Variants in RNF220 observed in about 807,000 individuals in gnomAD.
RNF220 encodes E3 ubiquitin-protein ligase RNF220.
RNF220 carries 7 observed loss-of-function variants against 67.1 expected under a neutral mutation model. That is an observed-to-expected ratio of 0.10 (90% CI 0.06 to 0.20). RNF220 has a LOEUF of 0.20. RNF220 is among the 10% of genes least tolerant of loss of function. RNF220 has a pLI of 1.00. For missense variants in RNF220, 565 were observed against 740.3 expected (o/e 0.76, Z 2.75); for synonymous variants, 270 against 283.2 (o/e 0.95, Z 0.47).
At chr1:44,514,118 A>C (rs1659263002) in intron 2 of RNF220, among the ~76,000 whole-genome samples, 1 of 152,198 alleles carries the variant, frequency 6.6e-6, no homozygotes, top group Non-Finnish European at 1.5e-5. Context: ...TCAAGTAGCT[A>C]TATTTGTTTA....
chr1:44,436,454 G>A (rs1190025533), intron 2 of RNF220, among the ~76,000 whole-genome samples: 2 of 152,056 alleles, frequency 1.3e-5, no homozygotes, highest in African/African-American at 4.8e-5. Flanking sequence ...AGAGGAAAAG[G>A]CCCAACAGTG....
intron 2 of RNF220, among the ~76,000 whole-genome samples, chr1:44,435,954 A>G (rs2147881526): frequency 6.6e-6 from 1 of 152,126 alleles, no homozygotes; most frequent in South Asian, 2.1e-4. Context: ...AAAAAAATGG[A>G]AGAAACCTTT....
chr1:44,446,774 A>G (rs574882346), intron 2 of RNF220, among the ~76,000 whole-genome samples: 9 of 151,974 alleles, frequency 5.9e-5, no homozygotes, highest in African/African-American at 2.2e-4. Context: ...GGCCAGGCTG[A>G]TCTCAAACTC....
At chr1:44,615,430 G>A (rs1290970412) in intron 3 of RNF220, among the ~76,000 whole-genome samples, 2 of 152,118 alleles carry the variant, frequency 1.3e-5, no homozygotes, top group Non-Finnish European at 2.9e-5. Context: ...GGTTGATGCT[G>A]TCTTTGGAAA....
intron 3 of RNF220, among the ~76,000 whole-genome samples, chr1:44,620,291 C>T (rs1160091276): frequency 1.3e-5 from 2 of 152,236 alleles, no homozygotes; most frequent in African/African-American, 4.8e-5. Flanking sequence ...AATGAGATAA[C>T]ACATGTTAAG....
At chr1:44,509,994 T>G (rs561149401) in intron 2 of RNF220, among the ~76,000 whole-genome samples, 169 of 151,402 alleles carry the variant, frequency 1.1e-3, no homozygotes, top group African/African-American at 3.9e-3. Context: ...CCCCAACACT[T>G]TGGGAGGCCA....
intron 2 of RNF220, among the ~76,000 whole-genome samples, chr1:44,505,275 C>A (rs563552013): frequency 6.6e-6 from 1 of 152,336 alleles, no homozygotes; most frequent in South Asian, 2.1e-4. Context: ...CAGGCAACCC[C>A]AAGGAAACAG....
intron 2 of RNF220, among the ~76,000 whole-genome samples, chr1:44,415,497 G>T (rs1177852524): frequency 1.6e-5 from 1 of 62,406 alleles, no homozygotes; most frequent in Non-Finnish European, 3.8e-5. Flanking sequence ...ACCATATATG[G>T]TTGATATACA....
At chr1:44,448,366 C>T (rs969337423) in intron 2 of RNF220, among the ~76,000 whole-genome samples, 3 of 152,138 alleles carry the variant, frequency 2.0e-5, no homozygotes, top group Non-Finnish European at 1.5e-5. Context: ...ATGTGCCTGC[C>T]TGGGTTCTCT....
At chr1:44,514,409 A>G (rs2120823) in intron 2 of RNF220, among the ~76,000 whole-genome samples, 15,454 of 152,280 alleles carry the variant, frequency 0.1, 830 homozygotes, top group Middle Eastern at 0.14. Flanking sequence ...TTGGAAATGT[A>G]GCCTGAGAGG....
chr1:44,496,144 C>T (rs1657328512), intron 2 of RNF220, among the ~76,000 whole-genome samples: 1 of 152,064 alleles, frequency 6.6e-6, no homozygotes, highest in Non-Finnish European at 1.5e-5. Context: ...GAGGGATAGC[C>T]CAGGTGATGG....
chr1:44,450,751 A>G (rs1379915683), intron 2 of RNF220, among the ~76,000 whole-genome samples: 1 of 152,198 alleles, frequency 6.6e-6, no homozygotes, highest in Non-Finnish European at 1.5e-5. Flanking sequence ...CCAGTTTTTC[A>G]TAATTGCAAT....
At chr1:44,423,340 A>G (rs537534459) in intron 2 of RNF220, among the ~76,000 whole-genome samples, 6 of 152,298 alleles carry the variant, frequency 3.9e-5, no homozygotes, top group African/African-American at 9.6e-5. Context: ...TGAGAATAGA[A>G]TTGTTCCCTG....
At chr1:44,616,182 A>G (rs989758068) in intron 3 of RNF220, among the ~76,000 whole-genome samples, 5 of 152,218 alleles carry the variant, frequency 3.3e-5, no homozygotes, top group African/African-American at 1.2e-4. Context: ...CTGGGAAGTC[A>G]CACACTGTTG....
intron 2 of RNF220, among the ~76,000 whole-genome samples, chr1:44,455,918 T>TA (rs2147943010): frequency 6.6e-6 from 1 of 152,278 alleles, no homozygotes; most frequent in African/African-American, 2.4e-5. Flanking sequence ...GCCAGACAGC[T>TA]AAGTGATGAG....
Position 44,573,012 on chromosome 1 carries a change from C to T in RNF220, c.626-41153C>T, listed in dbSNP as rs764344844. On this transcript the variant is annotated intron_variant, in intron 2 of 14. Coordinates refer to ENST00000361799, the MANE Select transcript of RNF220 (RefSeq NM_018150.4). Reference sequence around the variant, plus strand: ...CTCGAGGCCCTCAAAGAAGAAAGCACGCAGGAGAACTGAAGAGAAAGACAG... The same window carrying T: ...CTCGAGGCCCTCAAAGAAGAAAGCATGCAGGAGAACTGAAGAGAAAGACAG... 9.8e-5 allele frequency: 39 copies of T among 399,856 alleles called. No homozygotes were observed. In the Middle Eastern group the frequency reaches 2.1e-3, roughly 21 times the overall value. 24.8% of individuals were successfully genotyped at this position (399,856 alleles called of 1,614,324 possible).
At chr1:44,410,902 C>A (rs1647894270) in intron 1 of RNF220, among the ~76,000 whole-genome samples, 1 of 152,096 alleles carries the variant, frequency 6.6e-6, no homozygotes, top group Non-Finnish European at 1.5e-5. Flanking sequence ...ACTCAAAATA[C>A]ACTTTGGAAT....
intron 2 of RNF220, among the ~76,000 whole-genome samples, chr1:44,540,415 C>A (rs1419615850): frequency 3.3e-5 from 5 of 152,176 alleles, no homozygotes; most frequent in Non-Finnish European, 7.3e-5. Flanking sequence ...CCACACATCA[C>A]CCCCTGACAG....
intron 2 of RNF220, among the ~76,000 whole-genome samples, chr1:44,508,444 C>A (rs1368313292): frequency 6.6e-6 from 1 of 152,224 alleles, no homozygotes; most frequent in African/African-American, 2.4e-5. Flanking sequence ...CTCTACCCAT[C>A]TTCCCTTCTG....
Sources: allele counts gnomAD v4.1 joint callset (sites outside exome capture counted in the v4.1 genomes callset), GRCh38; gene constraint gnomAD v4.1.1; transcripts MANE v1.5; gene names NCBI Gene and HGNC (gene_info 2026-07-23, HGNC 2026-07-21).